The following HHAT variants were observed in gnomAD, a reference collection of about 807,000 sequenced individuals.
HHAT encodes hedgehog acyltransferase, also known as protein-cysteine N-palmitoyltransferase HHAT.
In HHAT, 47 loss-of-function variants were observed where a neutral mutation model predicts 70.8. That is an observed-to-expected ratio of 0.66 (90% CI 0.53 to 0.85). The LOEUF (loss-of-function observed/expected upper bound fraction) is 0.85. Among genes scored for constraint, HHAT ranks in the 40% least tolerant of loss-of-function variants. The probability of loss-of-function intolerance (pLI) is 0.00; values close to 1 mark genes in which losing one functional copy is unlikely to be tolerated. For missense variants in HHAT, 609 were observed against 604.8 expected, an observed-to-expected ratio of 1.01 and a Z score of -0.07; for synonymous variants, 228 against 247.6, an observed-to-expected ratio of 0.92 and a Z score of 0.74.
intron 6 of HHAT, 92 bp downstream of exon 6, chr1:210,404,771 C>A: frequency 2.1e-6 from 2 of 936,386 alleles, no homozygotes; most frequent in Non-Finnish European, 3.2e-6. Context: ...TCGTTTTGTT[C>A]AGAGGTGCCC....
chr1:210,572,505 A>G (rs1656559879), intron 9 of HHAT, among the ~76,000 whole-genome samples: 1 of 152,078 alleles, frequency 6.6e-6, no homozygotes, highest in Non-Finnish European at 1.5e-5. Context: ...TTTCATTTCC[A>G]GTGTGTATTT....
At chr1:210,556,339 C>T (rs2095572289) in intron 9 of HHAT, among the ~76,000 whole-genome samples, 3 of 152,160 alleles carry the variant, frequency 2.0e-5, no homozygotes, top group African/African-American at 7.2e-5. Context: ...TCAGTTCTCC[C>T]AGGGCAAGGG....
At chr1:210,550,621 A>C (rs527804325) in intron 9 of HHAT, among the ~76,000 whole-genome samples, 1 of 149,046 alleles carries the variant, frequency 6.7e-6, no homozygotes, top group Non-Finnish European at 1.5e-5. Flanking sequence ...TGTTAACCCC[A>C]CCAAAACTCA....
intron 2 of HHAT, among the ~76,000 whole-genome samples, chr1:210,350,697 G>A (rs2086941142): frequency 2.0e-5 from 3 of 152,174 alleles, no homozygotes; most frequent in Admixed American, 2.0e-4. Context: ...CATGGCGTCT[G>A]CGAAGATGAT....
intron 8 of HHAT, among the ~76,000 whole-genome samples, chr1:210,507,038 G>A (rs11590514): frequency 0.028 from 4,232 of 152,254 alleles, 85 homozygotes; most frequent in Non-Finnish European, 0.042. Context: ...GCACAGAATG[G>A]GCACATAGTA....
At chr1:210,633,853 C>T (rs1573892195) in intron 11 of HHAT, among the ~76,000 whole-genome samples, 2 of 152,182 alleles carry the variant, frequency 1.3e-5, no homozygotes, top group African/African-American at 4.8e-5. Flanking sequence ...CACAGAGCCT[C>T]TCTGCGCCCT....
chr1:210,487,674 A>G (rs971182188), intron 8 of HHAT, among the ~76,000 whole-genome samples: 5 of 152,232 alleles, frequency 3.3e-5, no homozygotes, highest in Non-Finnish European at 5.9e-5. Context: ...TTTGAGCTAA[A>G]AGAAACTGAG....
At chr1:210,548,894 A>G (rs1028193921) in intron 9 of HHAT, among the ~76,000 whole-genome samples, 18 of 152,190 alleles carry the variant, frequency 1.2e-4, no homozygotes, top group African/African-American at 3.9e-4. Flanking sequence ...GCTGTTACCT[A>G]ATGCCTAATA....
chr1:210,413,474 T>C lies in HHAT; in HGVS notation c.685-4680T>C, dbSNP rs530904320. Among the ~76,000 whole-genome samples, 175 of 152,354 alleles carry C rather than the reference T, an allele frequency of 1.1e-3. 1 individual carries two copies. The highest frequency in any genetic ancestry group is 8.3e-3 in the South Asian group (40 of 4,830). On this transcript the variant is annotated intron_variant, in intron 6 of 11. Transcript: ENST00000261458. Reference sequence around the variant, plus strand: ...AAATCTTTAAGTTCTGCTTCCCTTTTGATTAACAATTTTGTCTTTAAATCA... The same window carrying C: ...AAATCTTTAAGTTCTGCTTCCCTTTCGATTAACAATTTTGTCTTTAAATCA...
chr1:210,538,933 C>T (rs543818230), intron 9 of HHAT, among the ~76,000 whole-genome samples: 4 of 152,144 alleles, frequency 2.6e-5, no homozygotes, highest in East Asian at 1.9e-4. Flanking sequence ...AAAAATTAGC[C>T]GAGTGAGGTG....
At chr1:210,379,649 T>G (rs1388645620) in intron 3 of HHAT, among the ~76,000 whole-genome samples, 3 of 152,226 alleles carry the variant, frequency 2.0e-5, no homozygotes, top group African/African-American at 7.2e-5. Context: ...TCTAACTGTT[T>G]CAGGATATGC....
intron 9 of HHAT, among the ~76,000 whole-genome samples, chr1:210,578,784 A>C (rs75805043): frequency 6.0e-4 from 92 of 152,360 alleles, no homozygotes; most frequent in African/African-American, 2.2e-3. Flanking sequence ...AAATAAGCCC[A>C]TAACAGAAAG....
upstream of HHAT, among the ~76,000 whole-genome samples, chr1:210,327,443 G>A (rs575635684): frequency 1.3e-5 from 2 of 151,580 alleles, no homozygotes; most frequent in South Asian, 4.2e-4. Context: ...AAAAAAATAA[G>A]TATATCCCAA....
Position 210,588,023 on chromosome 1 carries a change from C to T in HHAT, c.1169C>T (p.Ala390Val), listed in dbSNP as rs139134333. The change falls in exon 10 of 12, where the codon GCG (alanine) becomes GTG (valine). Residue 390 changes from alanine (A) to valine (V), a missense_variant. By Grantham distance (64) the Ala-to-Val change is moderately conservative (BLOSUM62 0). Transcript: ENST00000261458. ...TACGACTACCTCTGGTGCTGGGCAG[C>T]GCTCAACTGGCTGGGAGTCACTGTG... ...GGYDYLWCWA[A>V]LNWLGVTVEN... is the part of the protein sequence containing the mutation. 118 of 1,613,884 alleles carry T rather than the reference C, an allele frequency of 7.3e-5. No individual in the cohort carries two copies. Among genetic ancestry groups the T allele is most frequent in the African/African-American group, 1.2e-4 (9 of 74,928 alleles).
chr1:210,664,249 G>T (rs1343960371), intron 11 of HHAT, among the ~76,000 whole-genome samples: 15 of 152,210 alleles, frequency 9.9e-5, no homozygotes, highest in African/African-American at 3.6e-4. Context: ...AAGGTCTGCA[G>T]GCTTAGGGCC....
intron 2 of HHAT, among the ~76,000 whole-genome samples, chr1:210,355,432 T>C (rs536966050): frequency 6.6e-6 from 1 of 152,374 alleles, no homozygotes; most frequent in South Asian, 2.1e-4. Context: ...CCCCTTTAAA[T>C]TGGCAATAAG....
intron 11 of HHAT, among the ~76,000 whole-genome samples, chr1:210,660,176 A>G (rs761806882): frequency 1.3e-4 from 20 of 152,206 alleles, no homozygotes; most frequent in Admixed American, 2.0e-4. Context: ...CCATTGTCTC[A>G]GCCGAAAATC....
chr1:210,559,243 T>C (rs1011991882), intron 9 of HHAT, among the ~76,000 whole-genome samples: 1 of 152,226 alleles, frequency 6.6e-6, no homozygotes, highest in East Asian at 1.9e-4. Context: ...CATTTGCTTT[T>C]CTGTTTAAGT....
chr1:210,357,876 G>T (rs1244945408), intron 2 of HHAT, among the ~76,000 whole-genome samples: 1 of 152,090 alleles, frequency 6.6e-6, no homozygotes, highest in Non-Finnish European at 1.5e-5. Flanking sequence ...CCTTACTAAG[G>T]CTCCTGTATC....
Sources: gnomAD v4.1 joint callset for allele counts (sites outside exome capture counted in the v4.1 genomes callset) on GRCh38, gnomAD v4.1.1 for gene constraint, MANE v1.5 for transcripts, NCBI Gene and HGNC (gene_info 2026-07-23, HGNC 2026-07-21) for gene names.